DLG2: variants seen among roughly 807,000 people sequenced by gnomAD.
The protein encoded by DLG2 is discs large MAGUK scaffold protein 2, also known as disks large homolog 2.
Under a neutral mutation model 132.5 loss-of-function variants are expected in DLG2, and 45 were observed. The observed-to-expected ratio is 0.34, with a 90% CI of 0.27 to 0.44. The LOEUF is 0.44. Among genes scored for constraint, DLG2 ranks in the 20% least tolerant of loss-of-function variants. DLG2 has a pLI of 1.00. For missense variants in DLG2, 1,045 were observed against 1,196.9 expected, an observed-to-expected ratio of 0.87 and a Z score of 1.87; for synonymous variants, 424 against 419.6, an observed-to-expected ratio of 1.01 and a Z score of -0.13.
intron 17 of DLG2, among the ~76,000 whole-genome samples, chr11:83,831,122 T>G (rs144546304): frequency 0.014 from 2,144 of 152,286 alleles, 17 homozygotes; most frequent in Non-Finnish European, 0.021. Flanking sequence ...TGCTAAATAT[T>G]GAGGATATAA....
chr11:83,913,427 G>T (rs1000560690), intron 15 of DLG2, among the ~76,000 whole-genome samples: 2 of 152,082 alleles, frequency 1.3e-5, no homozygotes, highest in African/African-American at 4.8e-5. Context: ...TGGCACTAGG[G>T]ATAGAGGAAA....
At chr11:84,403,276 C>G (rs1469790079) in intron 7 of DLG2, among the ~76,000 whole-genome samples, 1 of 152,120 alleles carries the variant, frequency 6.6e-6, no homozygotes, top group East Asian at 1.9e-4. Flanking sequence ...GGTTATCACT[C>G]TGTATTCCAG....
In DLG2 at chr11:85,090,516, C is replaced by T. The variant is rs80328540; in HGVS notation, c.357+21145G>A. Reference sequence around the variant, plus strand: ...GCACTCATATTTTCACACATCTGTACTTAGATACATGACACTAACCATGAC... The same window carrying T: ...GCACTCATATTTTCACACATCTGTATTTAGATACATGACACTAACCATGAC... On this transcript the variant is annotated intron_variant, in intron 6 of 27. Coordinates refer to ENST00000376104, the MANE Select transcript of DLG2 (RefSeq NM_001142699.3). 2.2e-3 allele frequency among the ~76,000 whole-genome samples: 342 copies of T among 152,284 alleles called. 2 individuals are homozygous for T. The highest frequency in any genetic ancestry group is 8.0e-3 in the African/African-American group (331 of 41,558).
At chr11:83,901,556 C>A (rs191498352) in intron 15 of DLG2, among the ~76,000 whole-genome samples, 2 of 152,298 alleles carry the variant, frequency 1.3e-5, no homozygotes, top group Admixed American at 1.3e-4. Flanking sequence ...TCTTGTCTGG[C>A]ACTATGTAAG....
chr11:85,365,402 A>C (rs1473127609), intron 3 of DLG2, among the ~76,000 whole-genome samples: 1 of 152,162 alleles, frequency 6.6e-6, no homozygotes, highest in South Asian at 2.1e-4. Context: ...AAGGGCTGGG[A>C]ACTGCACAGT....
At chr11:83,712,093 C>G (rs559518910) in intron 18 of DLG2, among the ~76,000 whole-genome samples, 2 of 152,106 alleles carry the variant, frequency 1.3e-5, no homozygotes, top group Non-Finnish European at 2.9e-5. Context: ...TTGTGGAAGA[C>G]AGTGTAGTGA....
intron 4 of DLG2, among the ~76,000 whole-genome samples, chr11:85,188,994 C>A (rs2080326870): frequency 6.6e-6 from 1 of 151,906 alleles, no homozygotes; most frequent in Non-Finnish European, 1.5e-5. Flanking sequence ...TGAAACTGAA[C>A]AAAACCAGAA....
intron 19 of DLG2, among the ~76,000 whole-genome samples, chr11:83,580,784 A>C (rs1404111455): frequency 1.3e-5 from 2 of 149,308 alleles, no homozygotes; most frequent in African/African-American, 2.5e-5. Context: ...GGAGAAGCAA[A>C]AACTGGCCCT....
In DLG2 at chr11:83,906,664, C is replaced by T. The variant is rs182904516; in HGVS notation, c.1496+23664G>A. 1.4e-4 allele frequency among the ~76,000 whole-genome samples: 21 copies of T among 152,196 alleles called. No individual in the cohort carries two copies. The East Asian group carries it at 2.3e-3, about 17-fold the overall frequency. On this transcript the variant is annotated intron_variant, in intron 15 of 27. Transcript: ENST00000376104. ...GCCACTTAATTCTCCAGATAACCTT[C>T]GAGGTAAACATTATTTCCCCACTTT...
At chr11:85,183,274 G>A (rs2152516104) in intron 4 of DLG2, among the ~76,000 whole-genome samples, 1 of 151,822 alleles carries the variant, frequency 6.6e-6, no homozygotes, top group South Asian at 2.1e-4. Flanking sequence ...TTTAGCTAAG[G>A]CTCTAAAATT....
chr11:85,298,132 C>G (rs1277383472), intron 3 of DLG2, among the ~76,000 whole-genome samples: 1 of 151,864 alleles, frequency 6.6e-6, no homozygotes, highest in Admixed American at 6.6e-5. Context: ...TGGTTACATA[C>G]AGAAGGATGG....
chr11:84,393,193 ATTTAC>A (rs2098798976), intron 7 of DLG2, among the ~76,000 whole-genome samples: 1 of 152,158 alleles, frequency 6.6e-6, no homozygotes, highest in Non-Finnish European at 1.5e-5. Context: ...CATTCTGAGC[ATTTAC>A]TTTAAAGAAA....
intron 3 of DLG2, among the ~76,000 whole-genome samples, chr11:85,474,074 G>A (rs1419752891): frequency 6.6e-6 from 1 of 151,932 alleles, no homozygotes; most frequent in Non-Finnish European, 1.5e-5. Flanking sequence ...TACAACAGAT[G>A]TACCTAAAGT....
intron 3 of DLG2, among the ~76,000 whole-genome samples, chr11:85,457,760 C>T (rs1318269658): frequency 6.6e-6 from 1 of 152,174 alleles, no homozygotes; most frequent in Non-Finnish European, 1.5e-5. Flanking sequence ...TTAATATAGG[C>T]CCTTATTCTC....
intron 7 of DLG2, among the ~76,000 whole-genome samples, chr11:84,360,085 A>G (rs1041865746): frequency 2.0e-5 from 3 of 151,948 alleles, no homozygotes; most frequent in East Asian, 1.9e-4. Context: ...GATGCAATCA[A>G]TCGTGCAGGT....
At chr11:84,771,366 A>G (rs2153889392) in intron 6 of DLG2, among the ~76,000 whole-genome samples, 1 of 152,278 alleles carries the variant, frequency 6.6e-6, no homozygotes, top group Middle Eastern at 3.4e-3. Flanking sequence ...TTCTGTAATG[A>G]TCAATGATAC....
chr11:83,581,371 A>G lies in DLG2; in HGVS notation c.1941-39513T>C, dbSNP rs573841221. Among the ~76,000 whole-genome samples, 416 of 152,324 alleles carry G rather than the reference A, an allele frequency of 2.7e-3. 1 individual carries two copies. Among genetic ancestry groups the G allele is most frequent in the Middle Eastern group, 0.02 (6 of 294 alleles). On this transcript the variant is annotated intron_variant, in intron 19 of 27. Transcript: ENST00000376104. ...GAAAGTCTCAGATTCAAGAAACAGA[A>G]CACAGAATTACACTGTTAATCAAAG...
chr11:84,165,377 A>G (rs2095638425), intron 8 of DLG2, among the ~76,000 whole-genome samples: 1 of 152,196 alleles, frequency 6.6e-6, no homozygotes, highest in Non-Finnish European at 1.5e-5. Flanking sequence ...TAACATTTCT[A>G]GGATCCTAAA....
At chr11:85,323,105 C>G (rs182065083) in intron 3 of DLG2, among the ~76,000 whole-genome samples, 2 of 152,164 alleles carry the variant, frequency 1.3e-5, no homozygotes, top group African/African-American at 4.8e-5. Context: ...GTCACTTTTT[C>G]CTTCACTCTG....
Sources: allele counts gnomAD v4.1 joint callset (sites outside exome capture counted in the v4.1 genomes callset), GRCh38; gene constraint gnomAD v4.1.1; transcripts MANE v1.5; gene names NCBI Gene and HGNC (gene_info 2026-07-23, HGNC 2026-07-21).